KMT2A: variants seen among roughly 807,000 people sequenced by gnomAD.
KMT2A encodes the protein lysine methyltransferase 2A, also known as histone-lysine N-methyltransferase 2A.
Under a neutral mutation model 345.3 loss-of-function variants are expected in KMT2A, and 16 were observed. The ratio of observed to expected loss-of-function variants is 0.05; its 90% CI spans 0.03 to 0.07. The LOEUF (loss-of-function observed/expected upper bound fraction) is 0.07, where lower values mean the gene tolerates loss of function less well. Among genes scored for constraint, KMT2A ranks in the 10% least tolerant of loss-of-function variants. The pLI is 1.00. For missense variants in KMT2A, 3,272 were observed against 4,841.6 expected (o/e 0.68, Z 9.62); for synonymous variants, 1,599 against 1,778.6 (o/e 0.90, Z 2.54).
chr11:118,501,134 A>G lies in KMT2A; in HGVS notation c.6306A>G (p.Pro2102=). 6.2e-7 allele frequency: 1 copy of G among 1,613,850 alleles called. No homozygotes were observed. The highest frequency in any genetic ancestry group is 1.7e-5 in the Admixed American group (1 of 60,014). The part of the protein sequence containing the change: ...HDENRTIAHS[P]TSFTESSSKE... ...AAAACAGGACCATTGCCCATAGTCC[A>G]ACATCTTTTACAGGTTAGTCTTGAA... The change falls in exon 25 of 36, where the codon CCA becomes CCG. Residue 2102 remains proline (P), a synonymous_variant. Coordinates refer to ENST00000534358, the MANE Select transcript of KMT2A (RefSeq NM_001197104.2).
In KMT2A at chr11:118,496,150, A is replaced by G. The variant is rs1591271760; in HGVS notation, c.5558-111A>G. On this transcript the variant is annotated intron_variant, in intron 19 of 35. Coordinates refer to ENST00000534358, the MANE Select transcript of KMT2A (RefSeq NM_001197104.2). This position sits in a 1 kb window ranked among gnomAD's most constrained non-coding sequence, Gnocchi z 4.7. The stretch of plus-strand genomic sequence containing the variant: ...ACTTTTTGAAAAGTGGTTATTTTAT[A>G]GGCTGTGGGCTATGTAAGCTGAATT... 2 of 825,844 alleles carry G rather than the reference A, an allele frequency of 2.4e-6. No individual in the cohort carries two copies. The highest frequency in any genetic ancestry group is 4.9e-5 in the East Asian group (2 of 40,702). The allele number at this position is 825,844 out of a possible 1,614,324, so 51.2% of individuals were successfully genotyped here. A position where few individuals can be genotyped will look rare whatever the true frequency, so the allele number is the denominator to read the frequency against.
Position 118,502,842 on chromosome 11 carries a change from A to G in KMT2A, c.6950A>G (p.Lys2317Arg), listed in dbSNP as rs1950521750. 6.2e-7 allele frequency: 1 copy of G among 1,614,070 alleles called. No homozygotes were observed. The highest frequency in any genetic ancestry group is 1.3e-5 in the African/African-American group (1 of 74,940). Residue 2317 changes from lysine to arginine, a missense_variant, in exon 27 of 36, where the codon AAG (lysine) becomes AGG (arginine). This residue lies in a region of KMT2A where 445 missense variants were observed against 500.9 expected (regional missense o/e 0.89). Transcript: ENST00000534358. The surrounding 1 kb of genome is among the most constrained non-coding windows in gnomAD (Gnocchi z 4.9). ...GAGAAGACCAAAGTGCTGAGTTCCA[A>G]GAGCTCAGAGGGATCTGCACATAAT... is the stretch of plus-strand genomic sequence containing the variant. ...KGEKTKVLSS[K>R]SSEGSAHNVA...
In KMT2A at chr11:118,502,625, G is replaced by A. The variant is rs1237952981; in HGVS notation, c.6733G>A (p.Val2245Ile). 3 of 1,614,034 alleles carry A rather than the reference G, an allele frequency of 1.9e-6. No homozygotes were observed. The African/African-American group carries it at 4.0e-5, about 22-fold the overall frequency. Residue 2245 changes from valine (V) to isoleucine (I), a missense_variant, in exon 27 of 36, where the codon GTA becomes ATA. By Grantham distance (29) the Val-to-Ile change is conservative (BLOSUM62 3). Transcript: ENST00000534358. This position sits in a 1 kb window ranked among gnomAD's most constrained non-coding sequence, Gnocchi z 4.9. Reference protein sequence around the residue: ...TATDLESSAKVVDHVLGPLNS... With the variant: ...TATDLESSAKIVDHVLGPLNS... ...TACTGATCTTGAATCAAGTGCCAAA[G>A]TAGTTGATCATGTCTTAGGGCCACT...
At position 118,483,233 on chromosome 11, in the gene KMT2A, A is replaced by C. The variant is rs75687964; in HGVS notation, c.4086+738A>C. On this transcript the variant is annotated intron_variant, in intron 8 of 35. Transcript: ENST00000534358. ...GGACAACAGAGCTAGACTCCATCCC[A>C]AAAAAAAAAAAAAAAGTAGCCGGGC... Among the ~76,000 whole-genome samples the C allele has an allele frequency of 5.3e-3, 550 of 103,134 alleles. 3 individuals carry two copies. The highest frequency in any genetic ancestry group is 0.016 in the African/African-American group (499 of 31,610). The allele number at this position is 103,134 out of a possible 152,430, so 67.7% of individuals were successfully genotyped here.
At chr11:118,457,496 C>T (rs954429929) in intron 1 of KMT2A, among the ~76,000 whole-genome samples, 1 of 151,786 alleles carries the variant, frequency 6.6e-6, no homozygotes, top group Non-Finnish European at 1.5e-5. Context: ...TGGTCTCAAA[C>T]TCCTGACCTC....
intron 15 of KMT2A, 83 bp from the exon 16 acceptor site, chr11:118,492,974 C>A: frequency 1.9e-6 from 2 of 1,029,710 alleles, no homozygotes; most frequent in Non-Finnish European, 1.5e-6. Context: ...CATTCAGTAC[C>A]ATCTTTATTA....
In KMT2A at chr11:118,509,190, A is replaced by G. The variant is rs782092804; in HGVS notation, c.10890A>G (p.Gln3630=). The change falls in exon 29 of 36, where the codon CAA becomes CAG. Residue 3630 remains glutamine (Q), a synonymous_variant. Transcript: ENST00000534358. The part of the protein sequence containing the change: ...VQVTQNPANE[Q]ESAEPKTVEE... ...TGACCCAAAATCCAGCAAATGAACAAGAAAGTGCAGGTATGTGGGTGGGTA... is the reference window on the plus strand; with the variant it reads ...TGACCCAAAATCCAGCAAATGAACAGGAAAGTGCAGGTATGTGGGTGGGTA... The G allele has an allele frequency of 1.1e-5, 17 of 1,613,756 alleles. No individual in the cohort carries two copies. In the South Asian group the frequency reaches 1.9e-4, roughly 18 times the overall value.
At chr11:118,441,470 T>C (rs1359956502) in intron 1 of KMT2A, among the ~76,000 whole-genome samples, 1 of 152,158 alleles carries the variant, frequency 6.6e-6, no homozygotes, top group African/African-American at 2.4e-5. Context: ...TCCCAGGCAT[T>C]ATCTGGTGTT....
At chr11:118,468,587 A>G (rs1307975116) in intron 1 of KMT2A, among the ~76,000 whole-genome samples, 188 bp from the exon 2 acceptor site, 1 of 152,170 alleles carries the variant, frequency 6.6e-6, no homozygotes, top group African/African-American at 2.4e-5. Flanking sequence ...TTTGTCTGTA[A>G]TAAAGCTGTA....
At chr11:118,499,790 T>C (rs1469670790) in intron 23 of KMT2A, 45 bp from the exon 24 acceptor site, 5 of 1,409,076 alleles carry the variant, frequency 3.5e-6, no homozygotes, top group Non-Finnish European at 3.0e-6. Flanking sequence ...AAAAATAAAA[T>C]GACGCTCATA....
intron 5 of KMT2A, among the ~76,000 whole-genome samples, chr11:118,479,355 C>T (rs1224067501): frequency 6.6e-6 from 1 of 152,140 alleles, no homozygotes; most frequent in Admixed American, 6.6e-5. Context: ...GAGATAGTAG[C>T]ATAAACAGAA....
At chr11:118,515,052 C>G (rs1393228847) in intron 31 of KMT2A, among the ~76,000 whole-genome samples, 1 of 152,244 alleles carries the variant, frequency 6.6e-6, no homozygotes, top group East Asian at 1.9e-4. Context: ...CAGGCGTGAG[C>G]CACTGTGCCC....
Position 118,490,373 on chromosome 11 carries a change from C to T in KMT2A, c.4696+124C>T. 9.4e-7 allele frequency: 1 copy of T among 1,062,890 alleles called. No individual in the cohort carries two copies. The highest frequency in any genetic ancestry group is 1.3e-6 in the Non-Finnish European group (1 of 774,556). 65.8% of individuals were successfully genotyped at this position (1,062,890 alleles called of 1,614,324 possible). A position where few individuals can be genotyped will look rare whatever the true frequency, so the allele number is the denominator to read the frequency against. On this transcript the variant is annotated intron_variant, in intron 13 of 35. Coordinates refer to ENST00000534358, the MANE Select transcript of KMT2A (RefSeq NM_001197104.2). The surrounding 1 kb of genome is among the most constrained non-coding windows in gnomAD (Gnocchi z 4.2). ...TTATGTCAAGGATACCATTTAGACA[C>T]ATTTCCTAAGTTCCTGTTTAGAACT...
At position 118,505,716 on chromosome 11, in the gene KMT2A, G is replaced by A; in HGVS notation, c.9824G>A (p.Gly3275Glu). 1 of 1,613,918 alleles carries A rather than the reference G, an allele frequency of 6.2e-7. No individual in the cohort carries two copies. Among genetic ancestry groups the A allele is most frequent in the Non-Finnish European group, 8.5e-7 (1 of 1,179,916 alleles). Reference sequence around the variant, plus strand: ...AATCATCCAAGTCTGTTAGATTTGGGGTCACTTAATACTTCATCTCACCGA... The same window carrying A: ...AATCATCCAAGTCTGTTAGATTTGGAGTCACTTAATACTTCATCTCACCGA... ...LPNHPSLLDLGSLNTSSHRTV... is the reference protein window; with the variant it reads ...LPNHPSLLDLESLNTSSHRTV... The change falls in exon 27 of 36, where the codon GGG (glycine) becomes GAG (glutamate). Residue 3275 changes from glycine to glutamate, a missense_variant. Physicochemically the swap from Gly to Glu is moderately conservative, Grantham distance 98 (BLOSUM62 -2). Transcript: ENST00000534358. The surrounding 1 kb of genome is among the most constrained non-coding windows in gnomAD (Gnocchi z 4.6).
chr11:118,472,570 C>G lies in KMT2A; in HGVS notation c.1411C>G (p.Gln471Glu). ...KSSAASQHSS[Q>E]MSSDSSRSSS... ...AAGTGCAGCTTCTCAGCACTCCTCT[C>G]AAATGTCTTCAGACTCCTCTCGATC... The change falls in exon 3 of 36, where the codon CAA becomes GAA. Residue 471 changes from glutamine (Q) to glutamate (E), a missense_variant. This residue lies in a region of KMT2A where 180 missense variants were observed against 190.7 expected (regional missense o/e 0.94). Coordinates refer to ENST00000534358, the MANE Select transcript of KMT2A (RefSeq NM_001197104.2). 6.2e-7 allele frequency: 1 copy of G among 1,612,340 alleles called. No homozygotes were observed. The highest frequency in any genetic ancestry group is 8.5e-7 in the Non-Finnish European group (1 of 1,179,736).
rs1262506532 is a variant in KMT2A, at chr11:118,457,411, T to G, written c.433-11364T>G. ...CCTCCTGAGTAGCTGGGACTACAGG[T>G]GCCCACCACCACGCCTGGCTAATTT... On this transcript the variant is annotated intron_variant, in intron 1 of 35. Transcript: ENST00000534358. Among the ~76,000 whole-genome samples the G allele has an allele frequency of 2.0e-5, 3 of 151,396 alleles. No individual in the cohort carries two copies. In the East Asian group the frequency reaches 5.8e-4, roughly 29 times the overall value.
chr11:118,506,439 G>A lies in KMT2A; in HGVS notation c.10547G>A (p.Gly3516Glu), dbSNP rs149137886. ...SAVQASPTSPGGSPSSPSSGQ... is the reference protein window; with the variant it reads ...SAVQASPTSPEGSPSSPSSGQ... ...GTGCAAGCCAGCCCCACCTCTCCTGGGGGTTCTCCATCCTCTCCATCTTCT... is the reference window on the plus strand; with the variant it reads ...GTGCAAGCCAGCCCCACCTCTCCTGAGGGTTCTCCATCCTCTCCATCTTCT... Residue 3516 changes from glycine (G) to glutamate (E), a missense_variant, in exon 27 of 36, where the codon GGG becomes GAG. Gly to Glu is a moderately conservative substitution (Grantham distance 98). Transcript: ENST00000534358. 2.5e-4 allele frequency: 399 copies of A among 1,614,138 alleles called. 2 individuals are homozygous for A. In the African/African-American group the frequency reaches 4.0e-3, roughly 16 times the overall value.
chr11:118,482,882 A>G (rs1455940251), intron 8 of KMT2A, among the ~76,000 whole-genome samples: 1 of 152,134 alleles, frequency 6.6e-6, no homozygotes, highest in Non-Finnish European at 1.5e-5. Context: ...GTAGTGAGCT[A>G]TGATTGTACC....
chr11:118,455,412 C>T (rs1301924929), intron 1 of KMT2A, among the ~76,000 whole-genome samples: 3 of 152,130 alleles, frequency 2.0e-5, no homozygotes, highest in Non-Finnish European at 2.9e-5. Flanking sequence ...CTTTCTTACT[C>T]TAGTTCATTA....
Sources: allele counts gnomAD v4.1 joint callset (sites outside exome capture counted in the v4.1 genomes callset), GRCh38; gene constraint gnomAD v4.1.1; regional missense constraint gnomAD v4.1.1; non-coding constraint Gnocchi (gnomAD v3.1); transcripts MANE v1.5; gene names NCBI Gene and HGNC (gene_info 2026-07-23, HGNC 2026-07-21).